The following PPL variants were observed in gnomAD, a reference collection of about 807,000 sequenced individuals.
PPL encodes the protein 190 kDa paraneoplastic pemphigus antigen.
In PPL, 198 loss-of-function variants were observed where a neutral mutation model predicts 194.4. That is an observed-to-expected ratio of 1.02 (90% CI 0.91 to 1.15). The LOEUF (loss-of-function observed/expected upper bound fraction) is 1.15. Ranked by LOEUF, PPL falls within the 50% of genes most tolerant of loss-of-function variation. PPL has a pLI of 0.00. For synonymous variants in PPL, 1,220 were observed against 972.4 expected (o/e 1.25, Z -4.74); for missense variants, 2,885 against 2,294.8 (o/e 1.26, Z -5.25).
chr16:4,915,127 G>A (rs1449672803), intron 1 of PPL, among the ~76,000 whole-genome samples: 1 of 152,244 alleles, frequency 6.6e-6, no homozygotes, highest in Non-Finnish European at 1.5e-5. Flanking sequence ...GATTGTGGCA[G>A]ATGCAAGAAA....
intron 1 of PPL, among the ~76,000 whole-genome samples, chr16:4,933,629 C>T (rs2089253165): frequency 6.6e-6 from 1 of 152,162 alleles, no homozygotes; most frequent in African/African-American, 2.4e-5. Flanking sequence ...GAGACCTCAT[C>T]TGTCCGGCTC....
chr16:4,925,141 C>T (rs2089132779), intron 1 of PPL, among the ~76,000 whole-genome samples: 1 of 152,174 alleles, frequency 6.6e-6, no homozygotes, highest in African/African-American at 2.4e-5. Context: ...GGAGGGTACA[C>T]CCCTCCCTGG....
Position 4,884,037 on chromosome 16 carries a change from G to T in PPL, c.4618C>A (p.Leu1540Met). 2 of 1,613,662 alleles carry T rather than the reference G, an allele frequency of 1.2e-6. No individual in the cohort carries two copies. The highest frequency in any genetic ancestry group is 1.1e-5 in the South Asian group (1 of 91,088). ...KRELDVEVSRLEARLSELEFH... is the reference protein window; with the variant it reads ...KRELDVEVSRMEARLSELEFH... ...TCCAGCTCCGAAAGCCTGGCTTCCAGCCGGCTCACCTCGACGTCCAGCTCG... is the reference window on the plus strand; with the variant it reads ...TCCAGCTCCGAAAGCCTGGCTTCCATCCGGCTCACCTCGACGTCCAGCTCG... Residue 1540 changes from leucine (L) to methionine (M), a missense_variant, in exon 22 of 22, where the codon CTG becomes ATG. Transcript: ENST00000345988. The surrounding 1 kb of genome is among the most constrained non-coding windows in gnomAD (Gnocchi z 5.7).
At chr16:4,926,454 C>G (rs2089155749) in intron 1 of PPL, among the ~76,000 whole-genome samples, 1 of 152,094 alleles carries the variant, frequency 6.6e-6, no homozygotes. Flanking sequence ...TTATGGAGCC[C>G]CAAGCTTATG....
intron 2 of PPL, among the ~76,000 whole-genome samples, chr16:4,908,422 T>TTCTCTC (rs58737308): frequency 7.0e-4 from 104 of 148,522 alleles, no homozygotes; most frequent in East Asian, 6.9e-3. Context: ...TCTTCCTTCT[T>TTCTCTC]TCTCTCTCTC....
intron 1 of PPL, among the ~76,000 whole-genome samples, chr16:4,926,719 C>T (rs562497544): frequency 2.0e-5 from 3 of 151,734 alleles, no homozygotes; most frequent in Admixed American, 6.6e-5. Flanking sequence ...ACGATAAATA[C>T]AAAAACAAAA....
Position 4,883,981 on chromosome 16 carries a change from T to C in PPL, c.4674A>G (p.Leu1558=), listed in dbSNP as rs1046162811. ...TGTGGTTCTCTTCCCTCAGAAAGTCTAGTTCCTTGGATGACTTGGAGTTAT... is the reference window on the plus strand; with the variant it reads ...TGTGGTTCTCTTCCCTCAGAAAGTCCAGTTCCTTGGATGACTTGGAGTTAT... The part of the protein sequence containing the change: ...EFHNSKSSKE[L]DFLREENHKL... The change falls in exon 22 of 22, where the codon CTA becomes CTG. Residue 1558 remains leucine (L), a synonymous_variant. Coordinates refer to ENST00000345988, the MANE Select transcript of PPL (RefSeq NM_002705.5). The surrounding 1 kb of genome is among the most constrained non-coding windows in gnomAD (Gnocchi z 4.8). 2.5e-6 allele frequency: 4 copies of C among 1,614,120 alleles called. No homozygotes were observed. The South Asian group carries it at 4.4e-5, about 18-fold the overall frequency.
rs201821484 is a variant in PPL at position 4,901,011 on chromosome 16, T to C, written c.517A>G (p.Asn173Asp). 6.2e-7 allele frequency: 1 copy of C among 1,614,156 alleles called. No individual in the cohort carries two copies. The highest frequency in any genetic ancestry group is 1.1e-5 in the South Asian group (1 of 91,080). ...TGGGGCCCGATGGCCTTGACCTCAT[T>C]GTGGAAGATGTTATGCTCCTCCACT... is the stretch of plus-strand genomic sequence containing the variant. ...HQVEEHNIFHNEVKAIGPHLA... is the reference protein window; with the variant it reads ...HQVEEHNIFHDEVKAIGPHLA... The change falls in exon 5 of 22, where the codon AAT becomes GAT. Residue 173 changes from asparagine to aspartate, a missense_variant. Physicochemically the swap from Asn to Asp is conservative, Grantham distance 23. Coordinates refer to ENST00000345988, the MANE Select transcript of PPL (RefSeq NM_002705.5).
chr16:4,888,487 C>G (rs2088255012), intron 19 of PPL, among the ~76,000 whole-genome samples: 1 of 152,198 alleles, frequency 6.6e-6, no homozygotes, highest in Non-Finnish European at 1.5e-5. Flanking sequence ...TTTCTACATG[C>G]CTAGAGATTT....
rs755340959 is a variant in PPL at position 4,891,850 on chromosome 16, C to T, written c.1929G>A (p.Glu643=). Residue 643 remains glutamate, a synonymous_variant, in exon 16 of 22, where the codon GAG becomes GAA. Coordinates refer to ENST00000345988, the MANE Select transcript of PPL (RefSeq NM_002705.5). ...NHLNQDDTVP[E]SSRVLDSKGQ... is the part of the protein sequence containing the mutation. ...CCTTGCTGTCCAGGACACGGCTGCTCTCAGGCACTGTGTCATCCTGATTCA... is the reference window on the plus strand; with the variant it reads ...CCTTGCTGTCCAGGACACGGCTGCTTTCAGGCACTGTGTCATCCTGATTCA... 1.2e-6 allele frequency: 2 copies of T among 1,613,454 alleles called. No individual in the cohort carries two copies. Among genetic ancestry groups the T allele is most frequent in the Non-Finnish European group, 1.7e-6 (2 of 1,179,972 alleles).
intron 16 of PPL, among the ~76,000 whole-genome samples, chr16:4,891,251 G>A (rs888480938): frequency 6.6e-6 from 1 of 152,148 alleles, no homozygotes; most frequent in Non-Finnish European, 1.5e-5. Context: ...GGGGCCTCAG[G>A]TCACAGACTT....
At chr16:4,887,743 C>G (rs2142332136) in intron 20 of PPL, among the ~76,000 whole-genome samples, 1 of 152,312 alleles carries the variant, frequency 6.6e-6, no homozygotes, top group East Asian at 1.9e-4. Context: ...GCTGGGACTA[C>G]AGGTTTGCAC....
In PPL at chr16:4,890,932, AGAG is replaced by A. The variant is rs764381776; in HGVS notation, c.1969-14_1969-12del. On this transcript the variant is annotated splice_polypyrimidine_tract_variant and intron_variant, in intron 16 of 21. Transcript: ENST00000345988. ...CTCACAGGCCATGGCCTGGCGGGGC[AGAG>A]GAGGAGACGGCGGTGCTACGGCCAG... is the stretch of plus-strand genomic sequence containing the variant. 2.3e-5 allele frequency: 35 copies of A among 1,507,100 alleles called. No homozygotes were observed. Among genetic ancestry groups the A allele is most frequent in the Admixed American group, 2.0e-4 (9 of 44,028 alleles). 93.4% of individuals were successfully genotyped at this position (1,507,100 alleles called of 1,614,324 possible).
Position 4,889,778 on chromosome 16 carries a change from G to A in PPL, c.2313+406C>T, listed in dbSNP as rs146819928. 2.3e-3 allele frequency among the ~76,000 whole-genome samples: 353 copies of A among 152,274 alleles called. 1 individual carries two copies. The highest frequency in any genetic ancestry group is 7.3e-3 in the South Asian group (35 of 4,824). On this transcript the variant is annotated intron_variant, in intron 18 of 21. Coordinates refer to ENST00000345988, the MANE Select transcript of PPL (RefSeq NM_002705.5). ...GGGATGTGGCTGATGGGGTGGACCC[G>A]GGATTTGCATCTCAGCCATTGGCTT...
chr16:4,893,148 T>C, intron 14 of PPL, 65 bp downstream of exon 14: 2 of 1,435,918 alleles, frequency 1.4e-6, no homozygotes, highest in Non-Finnish European at 1.8e-6. Flanking sequence ...AGACCTCAAA[T>C]AGGGGCCCCA....
chr16:4,885,704 T>C lies in PPL; in HGVS notation c.2951A>G (p.Glu984Gly), dbSNP rs1255127234. The C allele has an allele frequency of 1.2e-6, 2 of 1,613,386 alleles. No homozygotes were observed. The highest frequency in any genetic ancestry group is 2.7e-5 in the African/African-American group (2 of 74,850). ...GTACTCCTGCCCCCCGTCTCTGGTCTCCTGCTCCAGGGCACGCAGCTGCAG... is the reference window on the plus strand; with the variant it reads ...GTACTCCTGCCCCCCGTCTCTGGTCCCCTGCTCCAGGGCACGCAGCTGCAG... ...LQLQLRALEQ[E>G]TRDGGQEYVV... Residue 984 changes from glutamate to glycine, a missense_variant, in exon 22 of 22, where the codon GAG becomes GGG. Glu to Gly is a moderately conservative substitution (Grantham distance 98). Coordinates refer to ENST00000345988, the MANE Select transcript of PPL (RefSeq NM_002705.5). This position sits in a 1 kb window ranked among gnomAD's most constrained non-coding sequence, Gnocchi z 6.3.
At chr16:4,928,154 A>G (rs1402424052) in intron 1 of PPL, among the ~76,000 whole-genome samples, 1 of 152,164 alleles carries the variant, frequency 6.6e-6, no homozygotes, top group Non-Finnish European at 1.5e-5. Context: ...CTCCTTTTTC[A>G]TTTTTTGAGA....
intron 1 of PPL, among the ~76,000 whole-genome samples, chr16:4,935,182 G>T (rs2142438525): frequency 6.6e-6 from 1 of 152,304 alleles, no homozygotes; most frequent in East Asian, 1.9e-4. Context: ...ATAAAGGATG[G>T]GATGCCTTTC....
intron 1 of PPL, among the ~76,000 whole-genome samples, chr16:4,928,471 G>C (rs1250699552): frequency 6.6e-6 from 1 of 152,212 alleles, no homozygotes; most frequent in African/African-American, 2.4e-5. Context: ...TGCTTTGTAA[G>C]ATAAAACACA....
Sources: gnomAD v4.1 joint callset for allele counts (sites outside exome capture counted in the v4.1 genomes callset) on GRCh38, gnomAD v4.1.1 for gene constraint, Gnocchi (gnomAD v3.1) non-coding constraint, MANE v1.5 for transcripts, NCBI Gene and HGNC (gene_info 2026-07-23, HGNC 2026-07-21) for gene names.